The following CRB1 variants were observed in gnomAD, a reference collection of about 807,000 sequenced individuals.
CRB1 encodes crumbs cell polarity complex component 1, also known as protein crumbs homolog 1.
In CRB1, 83 loss-of-function variants were observed where a neutral mutation model predicts 120.0. The observed-to-expected ratio is 0.69, with a 90% CI of 0.58 to 0.83. The LOEUF is 0.83. Ranked by LOEUF, CRB1 falls within the 40% of genes least tolerant of loss-of-function variation. CRB1 has a pLI of 0.00. For synonymous variants in CRB1, 625 were observed against 612.5 expected, an observed-to-expected ratio of 1.02 and a Z score of -0.30; for missense variants, 1,699 against 1,687.6, an observed-to-expected ratio of 1.01 and a Z score of -0.12.
chr1:197,335,305 T>A (rs1218620134), intron 2 of CRB1, among the ~76,000 whole-genome samples: 2 of 152,136 alleles, frequency 1.3e-5, no homozygotes, highest in African/African-American at 4.8e-5. Context: ...ATTGGAGAGT[T>A]CTGAGCAGAG....
chr1:197,309,911 T>A (rs866764535), intron 1 of CRB1, among the ~76,000 whole-genome samples: 13 of 152,132 alleles, frequency 8.5e-5, no homozygotes, highest in African/African-American at 2.9e-4. Flanking sequence ...GCAACCCTCT[T>A]CTAGCACAAT....
At chr1:197,257,387 G>A in the CRB1 span, among the ~76,000 whole-genome samples, 1 of 152,092 alleles carries the variant, frequency 6.6e-6, no homozygotes, top group Non-Finnish European at 1.5e-5. Flanking sequence ...CAGAAATAAT[G>A]TTTTACAAGC....
chr1:197,453,539 TAGAGAGAGAGAC>T (rs1385808456), intron 11 of CRB1, among the ~76,000 whole-genome samples: 2 of 58,512 alleles, frequency 3.4e-5, no homozygotes, highest in African/African-American at 8.2e-5. Context: ...TATATATATA[TAGAGAGAGAGAC>T]AGAGAGAGAG....
intron 11 of CRB1, among the ~76,000 whole-genome samples, chr1:197,447,925 T>C (rs1665779217): frequency 6.6e-6 from 1 of 151,952 alleles, no homozygotes; most frequent in South Asian, 2.1e-4. Flanking sequence ...CTGTCTGTGC[T>C]GTATTCTGCA....
intron 5 of CRB1, among the ~76,000 whole-genome samples, chr1:197,376,204 A>G (rs1456476842): frequency 5.9e-5 from 9 of 152,110 alleles, no homozygotes; most frequent in African/African-American, 2.2e-4. Flanking sequence ...GGAAAATCTC[A>G]TGTAATCTCT....
chr1:197,218,896 G>T, the CRB1 span, among the ~76,000 whole-genome samples: 1 of 152,216 alleles, frequency 6.6e-6, no homozygotes, highest in Admixed American at 6.5e-5. Flanking sequence ...GTTGGAAGGA[G>T]TATTTAGTGA....
intron 11 of CRB1, among the ~76,000 whole-genome samples, chr1:197,472,962 C>T (rs577414915): frequency 6.6e-6 from 1 of 152,170 alleles, no homozygotes; most frequent in Non-Finnish European, 1.5e-5. Flanking sequence ...CCACTGAATG[C>T]TGTAATTCTT....
At chr1:197,407,945 C>A (rs1261442569) in intron 5 of CRB1, among the ~76,000 whole-genome samples, 1 of 152,062 alleles carries the variant, frequency 6.6e-6, no homozygotes, top group Non-Finnish European at 1.5e-5. Flanking sequence ...GCTCTTTATG[C>A]AGGAGAAAAG....
intron 2 of CRB1, among the ~76,000 whole-genome samples, chr1:197,341,439 A>G (rs1180459601): frequency 6.6e-6 from 1 of 152,080 alleles, no homozygotes; most frequent in Non-Finnish European, 1.5e-5. Context: ...GCTACTTGGA[A>G]GGCTGAGGCA....
At chr1:197,270,852 G>A (rs1385819925) in intron 1 of CRB1, among the ~76,000 whole-genome samples, 1 of 152,144 alleles carries the variant, frequency 6.6e-6, no homozygotes, top group Non-Finnish European at 1.5e-5. Context: ...GACTTTAAGT[G>A]ATAATGCTTA....
chr1:197,423,328 C>A (rs1156721759), intron 6 of CRB1, among the ~76,000 whole-genome samples: 1 of 152,052 alleles, frequency 6.6e-6, no homozygotes, highest in Non-Finnish European at 1.5e-5. Flanking sequence ...ACTTTTCAAA[C>A]CAAGTTCCTG....
At chr1:197,233,189 T>G in the CRB1 span, among the ~76,000 whole-genome samples, 118 of 152,152 alleles carry the variant, frequency 7.8e-4, 2 homozygotes, top group Non-Finnish European at 2.8e-4. Flanking sequence ...AATGCAATTT[T>G]TAAAAGTTGC....
At position 197,279,369 on chromosome 1, in the gene CRB1, A is replaced by G. The variant is rs563847317; in HGVS notation, c.70+10887A>G. On this transcript the variant is annotated intron_variant, in intron 1 of 11. Transcript: ENST00000367400. ...GCCTTAAAAGAAGCCTTTACAGCCT[A>G]CTCATTATAGTATTGACTGTATTTC... Among the ~76,000 whole-genome samples, 7 of 151,968 alleles carry G rather than the reference A, an allele frequency of 4.6e-5. No homozygotes were observed. The South Asian group carries it at 1.2e-3, about 27-fold the overall frequency.
At chr1:197,451,899 AC>A (rs2125531393) in intron 11 of CRB1, among the ~76,000 whole-genome samples, 1 of 152,364 alleles carries the variant, frequency 6.6e-6, no homozygotes, top group African/African-American at 2.4e-5. Flanking sequence ...TGCCACTGAA[AC>A]ATTAGATTGA....
intron 11 of CRB1, among the ~76,000 whole-genome samples, chr1:197,445,483 C>A (rs1385079342): frequency 6.6e-6 from 1 of 152,144 alleles, no homozygotes; most frequent in East Asian, 1.9e-4. Flanking sequence ...CTGTGATAAG[C>A]CTTTTTAAAT....
chr1:197,295,071 C>A (rs1656442669), intron 1 of CRB1, among the ~76,000 whole-genome samples: 1 of 151,620 alleles, frequency 6.6e-6, no homozygotes, highest in Admixed American at 6.6e-5. Flanking sequence ...AAGAAAAGAC[C>A]TAAGTTTGTT....
Position 197,421,275 on chromosome 1 carries a change from G to A in CRB1, c.1447G>A (p.Ala483Thr), listed in dbSNP as rs146120995. The change falls in exon 6 of 12, where the codon GCA (alanine) becomes ACA (threonine). Residue 483 changes from alanine to threonine, a missense_variant. Transcript: ENST00000367400. ...CTACACCGGGTCCCTGTGTGAAATC[G>A]CAACCACACTTTCATTTGAGGGCGA... Reference protein sequence around the residue: ...SGYTGSLCEIATTLSFEGDGF... With the variant: ...SGYTGSLCEITTTLSFEGDGF... 76 of 1,613,984 alleles carry A rather than the reference G, an allele frequency of 4.7e-5. No homozygotes were observed. In the African/African-American group the frequency reaches 5.9e-4, roughly 12 times the overall value.
intron 5 of CRB1, among the ~76,000 whole-genome samples, chr1:197,412,092 G>T (rs1334437888): frequency 6.6e-6 from 1 of 152,236 alleles, no homozygotes; most frequent in Admixed American, 6.5e-5. Flanking sequence ...ATTCTATACG[G>T]TGGAACACAT....
chr1:197,405,868 C>T (rs866794010), intron 5 of CRB1, among the ~76,000 whole-genome samples: 4 of 151,358 alleles, frequency 2.6e-5, no homozygotes, highest in South Asian at 2.1e-4. Context: ...AAGTGAGGAG[C>T]GTCTCCGCCC....
Sources: gnomAD v4.1 joint callset for allele counts (sites outside exome capture counted in the v4.1 genomes callset) on GRCh38, gnomAD v4.1.1 for gene constraint, MANE v1.5 for transcripts, NCBI Gene and HGNC (gene_info 2026-07-23, HGNC 2026-07-21) for gene names.